NCALD: variants seen among roughly 807,000 people sequenced by gnomAD.
NCALD encodes the protein neurocalcin-delta.
A neutral mutation model predicts 18.6 loss-of-function variants in NCALD; 10 were observed. The ratio of observed to expected loss-of-function variants is 0.54; its 90% CI spans 0.33 to 0.91. NCALD has a LOEUF of 0.91. Among genes scored for constraint, NCALD ranks in the 40% least tolerant of loss-of-function variants. The pLI is 0.03. For missense variants in NCALD, 184 were observed against 247.6 expected, an observed-to-expected ratio of 0.74 and a Z score of 1.72; for synonymous variants, 88 against 87.4, an observed-to-expected ratio of 1.01 and a Z score of -0.04.
chr8:102,000,248 G>C (rs1157385888), intron 2 of NCALD, among the ~76,000 whole-genome samples: 2 of 152,184 alleles, frequency 1.3e-5, no homozygotes, highest in Non-Finnish European at 2.9e-5. Flanking sequence ...GGCTCAGAGG[G>C]TCCTACACCC....
rs529822174 is a variant in NCALD at position 101,925,444 on chromosome 8, G to A, written c.-156-9586C>T. 3.3e-5 allele frequency among the ~76,000 whole-genome samples: 5 copies of A among 152,192 alleles called. No individual in the cohort carries two copies. In the East Asian group the frequency reaches 9.7e-4, roughly 29 times the overall value. On this transcript the variant is annotated intron_variant, in intron 2 of 6. Coordinates refer to the NCALD transcript ENST00000311028. Reference sequence around the variant, plus strand: ...AGTAATAAAACGGGATCAGTTGAAGGATAGACACATATAAACATGAATAAC... The same window carrying A: ...AGTAATAAAACGGGATCAGTTGAAGAATAGACACATATAAACATGAATAAC...
chr8:102,107,664 C>G (rs1825517640), intron 1 of NCALD, among the ~76,000 whole-genome samples: 1 of 152,100 alleles, frequency 6.6e-6, no homozygotes, highest in African/African-American at 2.4e-5. Flanking sequence ...TGATCGTGTC[C>G]TAAGTTTCTT....
chr8:102,073,005 T>C (rs1474934892), intron 1 of NCALD, among the ~76,000 whole-genome samples: 1 of 152,234 alleles, frequency 6.6e-6, no homozygotes, highest in African/African-American at 2.4e-5. Flanking sequence ...ATGTATCATG[T>C]ACATAATAAA....
intron 4 of NCALD, among the ~76,000 whole-genome samples, chr8:101,800,503 T>G (rs568854770): frequency 6.6e-6 from 1 of 152,016 alleles, no homozygotes; most frequent in African/African-American, 2.4e-5. Context: ...AATGGTAAGA[T>G]TAAAGATGTA....
chr8:102,095,993 C>T (rs1587072137), intron 1 of NCALD, among the ~76,000 whole-genome samples: 1 of 152,140 alleles, frequency 6.6e-6, no homozygotes, highest in Non-Finnish European at 1.5e-5. Flanking sequence ...GTCCTGCATC[C>T]CAGGAATCTC....
At chr8:102,067,342 C>G (rs1183491311) in intron 1 of NCALD, among the ~76,000 whole-genome samples, 2 of 152,168 alleles carry the variant, frequency 1.3e-5, no homozygotes, top group Non-Finnish European at 2.9e-5. Flanking sequence ...AAACTCAGAT[C>G]AGTTATCACT....
intron 2 of NCALD, among the ~76,000 whole-genome samples, chr8:101,985,392 T>C (rs766474496): frequency 5.3e-5 from 8 of 152,176 alleles, no homozygotes; most frequent in Non-Finnish European, 8.8e-5. Flanking sequence ...GAAGTGATTG[T>C]TGTGTTAAGC....
At chr8:102,111,183 C>T (rs150635888) in intron 1 of NCALD, among the ~76,000 whole-genome samples, 178 of 152,180 alleles carry the variant, frequency 1.2e-3, no homozygotes, top group Middle Eastern at 3.4e-3. Flanking sequence ...GGGAACAGCA[C>T]CAAAGGTCCA....
chr8:101,745,906 T>G (rs1810407418), intron 1 of NCALD: 1 of 152,210 alleles, frequency 6.6e-6, no homozygotes, highest in African/African-American at 2.4e-5. Flanking sequence ...CAGTAAGTGG[T>G]GCAGTCAGAT....
At chr8:101,737,342 A>C (rs1299241225) in intron 1 of NCALD, among the ~76,000 whole-genome samples, 1 of 152,158 alleles carries the variant, frequency 6.6e-6, no homozygotes, top group African/African-American at 2.4e-5. Context: ...TCTTAATCCA[A>C]GCCTTCACTG....
intron 1 of NCALD, among the ~76,000 whole-genome samples, chr8:102,101,787 C>G (rs1825290591): frequency 6.6e-6 from 1 of 152,160 alleles, no homozygotes; most frequent in African/African-American, 2.4e-5. Flanking sequence ...ATGTGAACAG[C>G]ATTTATCCAA....
chr8:101,843,757 T>C (rs1458341029), intron 4 of NCALD, among the ~76,000 whole-genome samples: 1 of 152,046 alleles, frequency 6.6e-6, no homozygotes, highest in Admixed American at 6.6e-5. Flanking sequence ...AATTTTTGTA[T>C]TTTCTGTAGA....
intron 2 of NCALD, among the ~76,000 whole-genome samples, chr8:101,954,730 G>A (rs986418565): frequency 3.0e-4 from 46 of 152,152 alleles, no homozygotes; most frequent in Non-Finnish European, 2.8e-4. Flanking sequence ...AAACTGACTC[G>A]CCATTCCTGG....
chr8:101,968,015 G>A (rs1225291237), intron 2 of NCALD, among the ~76,000 whole-genome samples: 1 of 152,162 alleles, frequency 6.6e-6, no homozygotes, highest in Non-Finnish European at 1.5e-5. Context: ...GAGCCTCAAA[G>A]AGAAACAGAA....
At chr8:102,032,376 A>G (rs1229286346) in intron 1 of NCALD, among the ~76,000 whole-genome samples, 1 of 152,156 alleles carries the variant, frequency 6.6e-6, no homozygotes, top group Non-Finnish European at 1.5e-5. Flanking sequence ...TGTTTTGCAT[A>G]TGATACTCCA....
At chr8:101,999,360 G>A (rs1316536136) in intron 2 of NCALD, among the ~76,000 whole-genome samples, 1 of 152,148 alleles carries the variant, frequency 6.6e-6, no homozygotes, top group Non-Finnish European at 1.5e-5. Context: ...TGAAGTAATG[G>A]CATTCACAGC....
chr8:101,899,388 T>C (rs1296806997), intron 3 of NCALD, among the ~76,000 whole-genome samples: 1 of 152,014 alleles, frequency 6.6e-6, no homozygotes, highest in East Asian at 1.9e-4. Flanking sequence ...ATGGATTTTA[T>C]TTCCTCTTCT....
chr8:101,762,416 G>A (rs1397290417), intron 1 of NCALD, among the ~76,000 whole-genome samples: 1 of 152,096 alleles, frequency 6.6e-6, no homozygotes, highest in African/African-American at 2.4e-5. Context: ...CTTAGGAAAA[G>A]GCAAGAGGAA....
chr8:102,014,151 A>G (rs1020698299), intron 2 of NCALD, among the ~76,000 whole-genome samples: 5 of 152,228 alleles, frequency 3.3e-5, no homozygotes, highest in African/African-American at 4.8e-5. Context: ...CTGCTATAAT[A>G]AAATACCATA....
Sources: allele counts gnomAD v4.1 joint callset (sites outside exome capture counted in the v4.1 genomes callset), GRCh38; gene constraint gnomAD v4.1.1; transcripts MANE v1.5; gene names NCBI Gene and HGNC (gene_info 2026-07-23, HGNC 2026-07-21).